The following FAM229B variants were observed in gnomAD, a reference collection of about 807,000 sequenced individuals.
FAM229B encodes protein FAM229B.
In FAM229B, 2 loss-of-function variants were observed where a neutral mutation model predicts 6.7. The ratio of observed to expected loss-of-function variants is 0.30; its 90% CI spans 0.12 to 0.94. FAM229B has a LOEUF of 0.94. Ranked by LOEUF, FAM229B falls within the 40% of genes least tolerant of loss-of-function variation. FAM229B has a pLI of 0.54. For missense variants in FAM229B, 93 were observed against 96.2 expected (o/e 0.97, Z 0.14); for synonymous variants, 29 against 34.0 (o/e 0.85, Z 0.51).
In FAM229B at chr6:112,100,726, C is replaced by G. The variant is rs1485927147; in HGVS notation, c.182C>G (p.Thr61Ser). Reference sequence around the variant, plus strand: ...CTGACAATAACTGATGTTCCCGTCACTGTTTATGCAACAACGAGAAAGCCA... The same window carrying G: ...CTGACAATAACTGATGTTCCCGTCAGTGTTTATGCAACAACGAGAAAGCCA... ...HCLTITDVPV[T>S]VYATTRKPPA... The change falls in exon 4 of 4, where the codon ACT (threonine) becomes AGT (serine). Residue 61 changes from threonine to serine, a missense_variant. Transcript: ENST00000368656. The G allele has an allele frequency of 9.9e-6, 16 of 1,613,956 alleles. No homozygotes were observed. Among genetic ancestry groups the G allele is most frequent in the Non-Finnish European group, 1.4e-5 (16 of 1,179,958 alleles).
chr6:112,091,785 T>G lies in FAM229B; in HGVS notation c.-176+4065T>G, dbSNP rs112540680. On this transcript the variant is annotated intron_variant, in intron 1 of 3. Coordinates refer to ENST00000368656, the MANE Select transcript of FAM229B (RefSeq NM_001033564.3). ...GAAATGGCACAAATGAAAGAATTAG[T>G]AAACATAATAATTACATAAAATTAA... Among the ~76,000 whole-genome samples the G allele has an allele frequency of 2.2e-3, 329 of 152,146 alleles. 1 individual carries two copies. The highest frequency in any genetic ancestry group is 7.7e-3 in the African/African-American group (319 of 41,502).
intron 1 of FAM229B, among the ~76,000 whole-genome samples, chr6:112,096,377 A>G (rs7739895): frequency 0.25 from 37,712 of 152,032 alleles, 4,685 homozygotes; most frequent in East Asian, 0.32. Flanking sequence ...TAACACGGTG[A>G]AACCCCATCT....
At chr6:112,093,477 A>G (rs935126739) in intron 1 of FAM229B, among the ~76,000 whole-genome samples, 4 of 152,124 alleles carry the variant, frequency 2.6e-5, no homozygotes, top group African/African-American at 7.2e-5. Flanking sequence ...TATATAGAAA[A>G]TCAGTAAGAA....
Position 112,100,885 on chromosome 6 carries a change from G to C in FAM229B, c.*98G>C, listed in dbSNP as rs1777390186. ...ACAAATAAAAGTGGTGGCACCTTTA[G>C]ATGATGACAACAGTTGAGCTCTTTA... On this transcript the variant is annotated 3_prime_UTR_variant, in exon 4 of 4. Transcript: ENST00000368656. The C allele has an allele frequency of 1.1e-6, 1 of 870,652 alleles. No homozygotes were observed. Among genetic ancestry groups the C allele is most frequent in the Non-Finnish European group, 1.9e-6 (1 of 526,608 alleles). The allele number at this position is 870,652 out of a possible 1,614,324, so 53.9% of individuals were successfully genotyped here. A position where few individuals can be genotyped will look rare whatever the true frequency, so the allele number is the denominator to read the frequency against.
chr6:112,097,974 A>G (rs587663345), intron 2 of FAM229B, among the ~76,000 whole-genome samples: 3 of 152,330 alleles, frequency 2.0e-5, no homozygotes, highest in African/African-American at 7.2e-5. Context: ...GACAATGTCT[A>G]TAGACATTTT....
Position 112,097,116 on chromosome 6 carries a change from C to T in FAM229B, c.-100C>T, listed in dbSNP as rs1554318751. On this transcript the variant is annotated 5_prime_UTR_variant, in exon 2 of 4. Transcript: ENST00000368656. ...TCACCGGAACATTTGATCATCATTC[C>T]TTTGGCAATTCCAGCCTTCTGTGGA... The T allele has an allele frequency of 6.6e-6, 1 of 152,184 alleles. No homozygotes were observed. The highest frequency in any genetic ancestry group is 6.5e-5 in the Admixed American group (1 of 15,284). 9.4% of individuals were successfully genotyped at this position (152,184 alleles called of 1,614,324 possible). A position where few individuals can be genotyped will look rare whatever the true frequency, so the allele number is the denominator to read the frequency against.
At chr6:112,099,513 A>G (rs587660654) in intron 3 of FAM229B, 105 bp downstream of exon 3, 2 of 1,140,070 alleles carry the variant, frequency 1.8e-6, no homozygotes, top group Admixed American at 5.5e-5. Context: ...CAGCAATTCA[A>G]AAACATTGTT....
intron 3 of FAM229B, 129 bp from the exon 4 acceptor site, chr6:112,100,540 TC>T (rs1216252308): frequency 2.8e-5 from 18 of 635,664 alleles, no homozygotes; most frequent in African/African-American, 2.4e-4. Context: ...CATGTTGTAC[TC>T]ATTGTATGAC....
At position 112,097,202 on chromosome 6, in the gene FAM229B, G is replaced by GT. The variant is rs1339400546; in HGVS notation, c.-15+2dup. The GT allele has an allele frequency of 1.3e-5, 2 of 152,140 alleles. No individual in the cohort carries two copies. The highest frequency in any genetic ancestry group is 2.9e-5 in the Non-Finnish European group (2 of 68,020). The allele number at this position is 152,140 out of a possible 1,614,324, so 9.4% of individuals were successfully genotyped here. On this transcript the variant is annotated splice_donor_variant, in intron 2 of 3. Coordinates refer to ENST00000368656, the MANE Select transcript of FAM229B (RefSeq NM_001033564.3). LOFTEE classifies it low-confidence loss of function (5UTR_SPLICE). ...CAGGAATCAGACTCAGCCTCTTTTG[G>GT]TAAGTCTATTTATCCTTGATCAAAT... is the stretch of plus-strand genomic sequence containing the variant.
Position 112,100,687 on chromosome 6 carries a change from C to T in FAM229B, c.143C>T (p.Pro48Leu). 1 of 1,613,752 alleles carries T rather than the reference C, an allele frequency of 6.2e-7. No homozygotes were observed. The highest frequency in any genetic ancestry group is 8.5e-7 in the Non-Finnish European group (1 of 1,179,730). Residue 48 changes from proline (P) to leucine (L), a missense_variant, in exon 4 of 4, where the codon CCT (proline) becomes CTT (leucine). By Grantham distance (98) the Pro-to-Leu change is moderately conservative. Transcript: ENST00000368656. ...MSPTRQLRRC[P>L]GSHCLTITDV... ...TTATTCAGGCAACTCCGGAGGTGCC[C>T]TGGAAGTCATTGCCTGACAATAACT...
chr6:112,094,125 C>T (rs1554318422), intron 1 of FAM229B, among the ~76,000 whole-genome samples: 1 of 151,812 alleles, frequency 6.6e-6, no homozygotes, highest in African/African-American at 2.4e-5. Flanking sequence ...AAATTAATGA[C>T]CTAAGCTTCT....
intron 1 of FAM229B, among the ~76,000 whole-genome samples, chr6:112,095,615 G>GCA (rs1777310686): frequency 1.0e-5 from 1 of 99,994 alleles, no homozygotes; most frequent in South Asian, 3.6e-4. Flanking sequence ...CAGCCTGGAT[G>GCA]ACAGAGCAAG....
At chr6:112,093,238 T>C (rs1166974107) in intron 1 of FAM229B, among the ~76,000 whole-genome samples, 1 of 151,968 alleles carries the variant, frequency 6.6e-6, no homozygotes, top group Admixed American at 6.6e-5. Context: ...ATGAAAAGTA[T>C]CTATACAAGT....
chr6:112,094,937 G>A (rs1026588569), intron 1 of FAM229B, among the ~76,000 whole-genome samples: 1 of 152,064 alleles, frequency 6.6e-6, no homozygotes, highest in Non-Finnish European at 1.5e-5. Flanking sequence ...AATTCCTTTT[G>A]TCTTCTGAGG....
chr6:112,093,294 A>G (rs1554318334), intron 1 of FAM229B, among the ~76,000 whole-genome samples: 1 of 152,092 alleles, frequency 6.6e-6, no homozygotes, highest in African/African-American at 2.4e-5. Flanking sequence ...CATATTTCAT[A>G]ATGATAAAGG....
At chr6:112,089,542 C>T (rs146518077) in intron 1 of FAM229B, among the ~76,000 whole-genome samples, 2 of 152,042 alleles carry the variant, frequency 1.3e-5, no homozygotes, top group Non-Finnish European at 2.9e-5. Context: ...AGGGATAGTA[C>T]CTTGCATATA....
At chr6:112,090,021 C>A (rs1238293076) in intron 1 of FAM229B, among the ~76,000 whole-genome samples, 1 of 151,884 alleles carries the variant, frequency 6.6e-6, no homozygotes, top group African/African-American at 2.4e-5. Context: ...ATGAAATGAA[C>A]GGGGGAGTGG....
intron 1 of FAM229B, among the ~76,000 whole-genome samples, chr6:112,092,396 G>T (rs985495293): frequency 1.3e-5 from 2 of 152,018 alleles, no homozygotes; most frequent in African/African-American, 4.8e-5. Flanking sequence ...CTGGAACATA[G>T]TGGACCCAAA....
In FAM229B at chr6:112,100,706, A is replaced by G. The variant is rs782599163; in HGVS notation, c.162A>G (p.Thr54=). Residue 54 remains threonine, a synonymous_variant, in exon 4 of 4, where the codon ACA becomes ACG. Transcript: ENST00000368656. ...GGTGCCCTGGAAGTCATTGCCTGAC[A>G]ATAACTGATGTTCCCGTCACTGTTT... ...LRRCPGSHCL[T]ITDVPVTVYA... is the part of the protein sequence containing the mutation. The G allele has an allele frequency of 6.2e-7, 1 of 1,613,980 alleles. No individual in the cohort carries two copies. Among genetic ancestry groups the G allele is most frequent in the Non-Finnish European group, 8.5e-7 (1 of 1,179,942 alleles).
Sources: gnomAD v4.1 joint callset for allele counts (sites outside exome capture counted in the v4.1 genomes callset) on GRCh38, gnomAD v4.1.1 for gene constraint, MANE v1.5 for transcripts, NCBI Gene and HGNC (gene_info 2026-07-23, HGNC 2026-07-21) for gene names.